SORCS1: variants seen among roughly 807,000 people sequenced by gnomAD.
SORCS1 encodes the protein VPS10 domain-containing receptor SorCS1.
SORCS1 carries 60 observed loss-of-function variants against 146.1 expected under a neutral mutation model. That is an observed-to-expected ratio of 0.41 (90% CI 0.33 to 0.51). The LOEUF (loss-of-function observed/expected upper bound fraction) is 0.51. SORCS1 is among the 20% of genes least tolerant of loss of function. The probability of loss-of-function intolerance (pLI) is 0.21; values close to 1 mark genes in which losing one functional copy is unlikely to be tolerated. For missense variants in SORCS1, 1,352 were observed against 1,487.6 expected (o/e 0.91, Z 1.50); for synonymous variants, 637 against 584.0 (o/e 1.09, Z -1.31).
chr10:106,711,951 G>A (rs776365397), intron 6 of SORCS1, among the ~76,000 whole-genome samples: 1 of 152,146 alleles, frequency 6.6e-6, no homozygotes, highest in Non-Finnish European at 1.5e-5. Context: ...GATTTATGAC[G>A]ATAAGAACTG....
intron 1 of SORCS1, among the ~76,000 whole-genome samples, chr10:107,073,209 G>A (rs1962591362): frequency 6.6e-6 from 1 of 152,132 alleles, no homozygotes; most frequent in Non-Finnish European, 1.5e-5. Context: ...GAAAGACCAT[G>A]AATAAAAGCA....
intron 19 of SORCS1, among the ~76,000 whole-genome samples, chr10:106,626,521 A>C (rs1047084246): frequency 1.3e-5 from 2 of 152,194 alleles, no homozygotes; most frequent in African/African-American, 4.8e-5. Context: ...ACAGTCACTC[A>C]TGACACCCTC....
At chr10:107,173,713 A>G in the SORCS1 span, among the ~76,000 whole-genome samples, 1 of 152,218 alleles carries the variant, frequency 6.6e-6, no homozygotes, top group East Asian at 1.9e-4. Flanking sequence ...ATTTCTTTGT[A>G]TGTATATGGC....
At chr10:107,070,669 G>A (rs1037662972) in intron 1 of SORCS1, among the ~76,000 whole-genome samples, 3 of 152,154 alleles carry the variant, frequency 2.0e-5, no homozygotes, top group African/African-American at 4.8e-5. Flanking sequence ...CAGAACACGA[G>A]TAATACAGAA....
In SORCS1 at chr10:107,087,632, A is replaced by G. The variant is rs562389987; in HGVS notation, c.558+76337T>C. On this transcript the variant is annotated intron_variant, in intron 1 of 25. Transcript: ENST00000263054. ...AATGCTCAATATACAGCAATAGTGAAGATAAAGAAGGTGACAAGTAGCACA... is the reference window on the plus strand; with the variant it reads ...AATGCTCAATATACAGCAATAGTGAGGATAAAGAAGGTGACAAGTAGCACA... Among the ~76,000 whole-genome samples, 203 of 152,382 alleles carry G rather than the reference A, an allele frequency of 1.3e-3. 3 individuals carry two copies. The South Asian group carries it at 0.023, about 18-fold the overall frequency.
intron 22 of SORCS1, among the ~76,000 whole-genome samples, chr10:106,608,924 C>A (rs991981070): frequency 2.0e-5 from 3 of 152,176 alleles, no homozygotes; most frequent in Non-Finnish European, 4.4e-5. Context: ...ATAACTGCAC[C>A]AGCCTGTCAT....
At chr10:106,639,874 T>C (rs968820206) in intron 18 of SORCS1, among the ~76,000 whole-genome samples, 3 of 151,898 alleles carry the variant, frequency 2.0e-5, no homozygotes, top group Admixed American at 1.3e-4. Flanking sequence ...AAAAATTACC[T>C]GGGTGTGGTG....
chr10:106,913,655 C>G (rs10786980), intron 2 of SORCS1, among the ~76,000 whole-genome samples: 66,848 of 152,102 alleles, frequency 0.44, 15,376 homozygotes, highest in African/African-American at 0.58. Flanking sequence ...TCAACTCCTG[C>G]TGAGCTTTTC....
intron 18 of SORCS1, among the ~76,000 whole-genome samples, chr10:106,650,842 A>G (rs914603957): frequency 2.6e-5 from 4 of 151,432 alleles, no homozygotes; most frequent in Non-Finnish European, 5.9e-5. Context: ...AGTTCTCTTA[A>G]CTCCTAGTCC....
chr10:106,625,617 G>A (rs951502554), intron 19 of SORCS1, among the ~76,000 whole-genome samples: 5 of 152,096 alleles, frequency 3.3e-5, no homozygotes, highest in African/African-American at 1.2e-4. Flanking sequence ...ATGATGGTGT[G>A]AATGGTCGAA....
chr10:106,873,012 A>G (rs188610298), intron 2 of SORCS1, among the ~76,000 whole-genome samples: 13 of 152,168 alleles, frequency 8.5e-5, no homozygotes, highest in Admixed American at 7.2e-4. Flanking sequence ...ATCTCTACTA[A>G]AAATACAAAA....
chr10:107,160,239 C>T (rs1969600190), intron 1 of SORCS1, among the ~76,000 whole-genome samples: 1 of 152,180 alleles, frequency 6.6e-6, no homozygotes, highest in Non-Finnish European at 1.5e-5. Flanking sequence ...GTTTTTCCGT[C>T]CTACTTTAAA....
intron 1 of SORCS1, among the ~76,000 whole-genome samples, chr10:107,010,087 T>C (rs999250519): frequency 1.3e-4 from 20 of 152,248 alleles, no homozygotes; most frequent in African/African-American, 4.8e-4. Flanking sequence ...GCATCAAACG[T>C]ATTTCTAAAA....
chr10:106,976,150 A>T (rs1955988668), intron 1 of SORCS1, among the ~76,000 whole-genome samples: 1 of 145,524 alleles, frequency 6.9e-6, no homozygotes, highest in African/African-American at 2.5e-5. Context: ...AAAAAAAAAA[A>T]GCCATCTCCT....
At chr10:106,970,337 T>TC (rs955609647) in intron 1 of SORCS1, among the ~76,000 whole-genome samples, 19 of 36,902 alleles carry the variant, frequency 5.1e-4, no homozygotes, top group East Asian at 1.6e-3. Flanking sequence ...CCAACATCTC[T>TC]TTTTTTTTTT....
At chr10:106,843,455 A>C (rs1212711192) in intron 2 of SORCS1, among the ~76,000 whole-genome samples, 5 of 93,910 alleles carry the variant, frequency 5.3e-5, no homozygotes, top group Non-Finnish European at 7.7e-5. Flanking sequence ...TTTGTGATGG[A>C]GTCTCGCTCT....
intron 2 of SORCS1, among the ~76,000 whole-genome samples, chr10:106,891,745 A>G (rs1054461176): frequency 1.3e-5 from 2 of 152,284 alleles, no homozygotes; most frequent in Admixed American, 1.3e-4. Flanking sequence ...AAAAGGAATC[A>G]GCATCAAAGA....
At chr10:107,140,487 T>C (rs1204455062) in intron 1 of SORCS1, among the ~76,000 whole-genome samples, 1 of 152,222 alleles carries the variant, frequency 6.6e-6, no homozygotes, top group Non-Finnish European at 1.5e-5. Flanking sequence ...TATTGGCCCA[T>C]GTTGTCACAG....
chr10:106,946,349 A>C (rs559720121), intron 2 of SORCS1, among the ~76,000 whole-genome samples: 1 of 152,286 alleles, frequency 6.6e-6, no homozygotes, highest in South Asian at 2.1e-4. Flanking sequence ...CCCTACCCAA[A>C]TCTTGTCTTG....
Sources: gnomAD v4.1 joint callset for allele counts (sites outside exome capture counted in the v4.1 genomes callset) on GRCh38, gnomAD v4.1.1 for gene constraint, MANE v1.5 for transcripts, NCBI Gene and HGNC (gene_info 2026-07-23, HGNC 2026-07-21) for gene names.